OR2D3: variants seen among roughly 807,000 people sequenced by gnomAD.
The protein encoded by OR2D3 is olfactory receptor family 2 subfamily D member 3.
For synonymous variants in OR2D3, 154 were observed against 145.8 expected (o/e 1.06, Z -0.40); for missense variants, 409 against 388.8 (o/e 1.05, Z -0.44).
In OR2D3 at chr11:6,921,558, G is replaced by C; in HGVS notation, c.557G>C (p.Gly186Ala). ...TTTACTTTCCATCTTCCCTACTGGG[G>C]ACAGAATATAATCAATCACTACTTT... Reference protein sequence around the residue: ...TSFTFHLPYWGQNIINHYFCE... With the variant: ...TSFTFHLPYWAQNIINHYFCE... Residue 186 changes from glycine to alanine, a missense_variant, in exon 1 of 1, where the codon GGA (glycine) becomes GCA (alanine). Transcript: ENST00000317834. 6.2e-7 allele frequency: 1 copy of C among 1,614,110 alleles called. No individual in the cohort carries two copies. The highest frequency in any genetic ancestry group is 1.3e-5 in the African/African-American group (1 of 75,024).
chr11:6,921,600 TC>T lies in OR2D3; in HGVS notation c.601del (p.Leu201Ter). The T allele has an allele frequency of 6.2e-7, 1 of 1,611,088 alleles. No individual in the cohort carries two copies. The highest frequency in any genetic ancestry group is 8.5e-7 in the Non-Finnish European group (1 of 1,178,610). Reference sequence around the variant, plus strand: ...CACTACTTTTGTGAACCTCCTGCCCTCCTGAAGCTGGCTTCCATAGACACTT... The same window carrying T: ...CACTACTTTTGTGAACCTCCTGCCCTCTGAAGCTGGCTTCCATAGACACTT... ...INHYFCEPPA[L>X]LKLASIDTYS... is the part of the protein sequence containing the mutation. On this transcript the variant is annotated frameshift_variant, in exon 1 of 1. Coordinates refer to ENST00000317834, the MANE Select transcript of OR2D3 (RefSeq NM_001004684.1). LOFTEE classifies it high-confidence loss of function.
Position 6,921,398 on chromosome 11 carries a change from G to T in OR2D3, c.397G>T (p.Val133Leu). Residue 133 changes from valine (V) to leucine (L), a missense_variant, in exon 1 of 1, where the codon GTG (valine) becomes TTG (leucine). Val to Leu is a conservative substitution (Grantham distance 32). Transcript: ENST00000317834. ...GTGTACAGAGTGTGCGCTGCTGGCA[G>T]TGATGTCCTATGACCGGTATGTGGC... ...VGCTECALLA[V>L]MSYDRYVAVC... 2 of 1,613,792 alleles carry T rather than the reference G, an allele frequency of 1.2e-6. No individual in the cohort carries two copies. Among genetic ancestry groups the T allele is most frequent in the Non-Finnish European group, 1.7e-6 (2 of 1,179,880 alleles).
chr11:6,921,622 C>A lies in OR2D3; in HGVS notation c.621C>A (p.Asp207Glu). The A allele has an allele frequency of 6.2e-7, 1 of 1,602,914 alleles. No homozygotes were observed. The highest frequency in any genetic ancestry group is 8.5e-7 in the Non-Finnish European group (1 of 1,174,956). The change falls in exon 1 of 1, where the codon GAC (aspartate) becomes GAA (glutamate). Residue 207 changes from aspartate (D) to glutamate (E), a missense_variant. Transcript: ENST00000317834. ...CCCTCCTGAAGCTGGCTTCCATAGA[C>A]ACTTACAGCACAGAAATGGCCATCT... is the stretch of plus-strand genomic sequence containing the variant. ...PPALLKLASI[D>E]TYSTEMAIFS...
At position 6,921,542 on chromosome 11, in the gene OR2D3, C is replaced by T; in HGVS notation, c.541C>T (p.His181Tyr). The T allele has an allele frequency of 6.2e-7, 1 of 1,614,180 alleles. No individual in the cohort carries two copies. Among genetic ancestry groups the T allele is most frequent in the South Asian group, 1.1e-5 (1 of 91,074 alleles). The stretch of plus-strand genomic sequence containing the variant: ...TTTAGTAGATACCAGCTTTACTTTC[C>T]ATCTTCCCTACTGGGGACAGAATAT... ...VSLVDTSFTF[H>Y]LPYWGQNIIN... The change falls in exon 1 of 1, where the codon CAT becomes TAT. Residue 181 changes from histidine to tyrosine, a missense_variant. His to Tyr is a moderately conservative substitution (Grantham distance 83). Coordinates refer to ENST00000317834, the MANE Select transcript of OR2D3 (RefSeq NM_001004684.1).
Position 6,921,804 on chromosome 11 carries a change from A to G in OR2D3, c.803A>G (p.Tyr268Cys), listed in dbSNP as rs1478752249. ...CATCTTATTGTTGTTGTCCTCTTCT[A>G]TGGGTCAGGAATATTCACCTACATG... is the stretch of plus-strand genomic sequence containing the variant. ...GSHLIVVVLF[Y>C]GSGIFTYMRP... Residue 268 changes from tyrosine (Y) to cysteine (C), a missense_variant, in exon 1 of 1, where the codon TAT (tyrosine) becomes TGT (cysteine). Tyr to Cys is a radical substitution (Grantham distance 194). Transcript: ENST00000317834. The G allele has an allele frequency of 8.3e-6, 13 of 1,568,100 alleles. No individual in the cohort carries two copies. Among genetic ancestry groups the G allele is most frequent in the Non-Finnish European group, 8.6e-6 (10 of 1,161,334 alleles).
In OR2D3 at chr11:6,921,942, A is replaced by G. The variant is rs1564935248; in HGVS notation, c.941A>G (p.Lys314Arg). 1.9e-6 allele frequency: 3 copies of G among 1,614,178 alleles called. No individual in the cohort carries two copies. In the East Asian group the frequency reaches 6.7e-5, roughly 36 times the overall value. ...IIYSLRNKDV[K>R]GALRKLVGRK... ...TATAGCTTGAGGAACAAAGATGTCA[A>G]AGGGGCTCTCAGGAAACTAGTTGGG... is the stretch of plus-strand genomic sequence containing the variant. Residue 314 changes from lysine (K) to arginine (R), a missense_variant, in exon 1 of 1, where the codon AAA becomes AGA. Lys to Arg is a conservative substitution (Grantham distance 26). Transcript: ENST00000317834.
At position 6,921,333 on chromosome 11, in the gene OR2D3, A is replaced by T. The variant is rs1848946069; in HGVS notation, c.332A>T (p.Tyr111Phe). The T allele has an allele frequency of 1.9e-6, 3 of 1,613,904 alleles. No individual in the cohort carries two copies. The highest frequency in any genetic ancestry group is 1.6e-4 in the Middle Eastern group (1 of 6,062). Residue 111 changes from tyrosine to phenylalanine, a missense_variant, in exon 1 of 1, where the codon TAT becomes TTT. Transcript: ENST00000317834. ...GTAAAGAGGAAAACCATTTCTTTTT[A>T]TGGGTGTATGACACAGATAATTGTC... is the stretch of plus-strand genomic sequence containing the variant. ...FLVKRKTISF[Y>F]GCMTQIIVFL...
rs77720614 is a variant in OR2D3 at position 6,921,492 on chromosome 11, C to T, written c.491C>T (p.Ser164Phe). The change falls in exon 1 of 1, where the codon TCC (serine) becomes TTC (phenylalanine). Residue 164 changes from serine (S) to phenylalanine (F), a missense_variant. Physicochemically the swap from Ser to Phe is radical, Grantham distance 155. Coordinates refer to ENST00000317834, the MANE Select transcript of OR2D3 (RefSeq NM_001004684.1). ...QRVCLWLSFR[S>F]WASGALVSLV... ...GTGTGTCTCTGGCTGTCCTTCAGGTCCTGGGCCAGTGGGGCACTAGTGTCT... is the reference window on the plus strand; with the variant it reads ...GTGTGTCTCTGGCTGTCCTTCAGGTTCTGGGCCAGTGGGGCACTAGTGTCT... The T allele has an allele frequency of 6.5e-3, 10,415 of 1,613,866 alleles. 531 individuals carry two copies. In the African/African-American group the frequency reaches 0.11, roughly 18 times the overall value.
In OR2D3 at chr11:6,921,848, A is replaced by G; in HGVS notation, c.847A>G (p.Thr283Ala). ...CTACATGCGACCAAACTCCAAGACT[A>G]CAAAAGAACTGGATAAAATGATATC... Reference protein sequence around the residue: ...FTYMRPNSKTTKELDKMISVF... With the variant: ...FTYMRPNSKTAKELDKMISVF... The change falls in exon 1 of 1, where the codon ACA (threonine) becomes GCA (alanine). Residue 283 changes from threonine to alanine, a missense_variant. Physicochemically the swap from Thr to Ala is moderately conservative, Grantham distance 58. Coordinates refer to ENST00000317834, the MANE Select transcript of OR2D3 (RefSeq NM_001004684.1). 1 of 1,608,068 alleles carries G rather than the reference A, an allele frequency of 6.2e-7. No homozygotes were observed. The highest frequency in any genetic ancestry group is 8.5e-7 in the Non-Finnish European group (1 of 1,178,108).
Position 6,921,082 on chromosome 11 carries a change from G to T in OR2D3, c.81G>T (p.Lys27Asn). 1 of 1,613,064 alleles carries T rather than the reference G, an allele frequency of 6.2e-7. No homozygotes were observed. The highest frequency in any genetic ancestry group is 8.5e-7 in the Non-Finnish European group (1 of 1,179,772). The part of the protein sequence containing the change: ...MGEENQTFVS[K>N]FIFLGLSQDL... ...AAGAAAACCAAACCTTTGTGTCCAA[G>T]TTTATCTTCCTGGGTCTTTCACAGG... Residue 27 changes from lysine (K) to asparagine (N), a missense_variant, in exon 1 of 1, where the codon AAG becomes AAT. By Grantham distance (94) the Lys-to-Asn change is moderately conservative. Coordinates refer to ENST00000317834, the MANE Select transcript of OR2D3 (RefSeq NM_001004684.1).
Position 6,921,729 on chromosome 11 carries a change from A to C in OR2D3, c.728A>C (p.Gln243Pro), listed in dbSNP as rs766531197. Reference protein sequence around the residue: ...SYWNIISTVIQMQSGEGRLKA... With the variant: ...SYWNIISTVIPMQSGEGRLKA... Reference sequence around the variant, plus strand: ...TGGAATATTATCTCCACTGTTATCCAGATGCAGTCTGGGGAAGGGAGACTC... The same window carrying C: ...TGGAATATTATCTCCACTGTTATCCCGATGCAGTCTGGGGAAGGGAGACTC... The change falls in exon 1 of 1, where the codon CAG becomes CCG. Residue 243 changes from glutamine to proline, a missense_variant. Transcript: ENST00000317834. 6.5e-7 allele frequency: 1 copy of C among 1,537,320 alleles called. No individual in the cohort carries two copies. The highest frequency in any genetic ancestry group is 2.3e-5 in the East Asian group (1 of 44,376).
chr11:6,921,795 T>C lies in OR2D3; in HGVS notation c.794T>C (p.Val265Ala), dbSNP rs758068601. 40 of 1,555,782 alleles carry C rather than the reference T, an allele frequency of 2.6e-5. No individual in the cohort carries two copies. Among genetic ancestry groups the C allele is most frequent in the Non-Finnish European group, 3.4e-5 (39 of 1,155,628 alleles). Residue 265 changes from valine (V) to alanine (A), a missense_variant, in exon 1 of 1, where the codon GTC (valine) becomes GCC (alanine). Val to Ala is a moderately conservative substitution (Grantham distance 64). Coordinates refer to ENST00000317834, the MANE Select transcript of OR2D3 (RefSeq NM_001004684.1). ...STCGSHLIVV[V>A]LFYGSGIFTY... ...TGTGGCTCCCATCTTATTGTTGTTG[T>C]CCTCTTCTATGGGTCAGGAATATTC...
In OR2D3 at chr11:6,921,149, A is replaced by G. The variant is rs1352905373; in HGVS notation, c.148A>G (p.Ile50Val). The change falls in exon 1 of 1, where the codon ATT becomes GTT. Residue 50 changes from isoleucine (I) to valine (V), a missense_variant. Transcript: ENST00000317834. ...CCTGCTATTTATCCTTTTCCTCATC[A>G]TTTATCTGCTGACCGTGCTTGGAAA... is the stretch of plus-strand genomic sequence containing the variant. ...QILLFILFLI[I>V]YLLTVLGNQL... The G allele has an allele frequency of 1.2e-6, 2 of 1,613,908 alleles. No homozygotes were observed. Among genetic ancestry groups the G allele is most frequent in the East Asian group, 2.2e-5 (1 of 44,882 alleles).
At position 6,921,193 on chromosome 11, in the gene OR2D3, C is replaced by T. The variant is rs538535454; in HGVS notation, c.192C>T (p.Leu64=). 7 of 1,614,090 alleles carry T rather than the reference C, an allele frequency of 4.3e-6. No homozygotes were observed. In the South Asian group the frequency reaches 7.7e-5, roughly 18 times the overall value. The change falls in exon 1 of 1, where the codon CTC becomes CTT. Residue 64 remains leucine, a synonymous_variant. Coordinates refer to ENST00000317834, the MANE Select transcript of OR2D3 (RefSeq NM_001004684.1). ...TVLGNQLIII[L]IFLDSRLHTP... ...TTGGAAACCAGCTCATCATCATTCT[C>T]ATCTTCCTGGATTCTCGCCTTCACA...
Position 6,921,673 on chromosome 11 carries a change from G to T in OR2D3, c.672G>T (p.Leu224=). 6.4e-7 allele frequency: 1 copy of T among 1,562,900 alleles called. No homozygotes were observed. The highest frequency in any genetic ancestry group is 8.6e-7 in the Non-Finnish European group (1 of 1,157,548). Residue 224 remains leucine (L), a synonymous_variant, in exon 1 of 1, where the codon CTG becomes CTT. Coordinates refer to ENST00000317834, the MANE Select transcript of OR2D3 (RefSeq NM_001004684.1). Reference sequence around the variant, plus strand: ...TTTCAATGGGCGTGGTAATCCTCCTGGCCCCTGTCTCCCTGATTCTTGGTT... The same window carrying T: ...TTTCAATGGGCGTGGTAATCCTCCTTGCCCCTGTCTCCCTGATTCTTGGTT... ...AIFSMGVVIL[L]APVSLILGSY... is the part of the protein sequence containing the mutation.
chr11:6,921,327 C>G lies in OR2D3; in HGVS notation c.326C>G (p.Ser109Cys), dbSNP rs1337284928. 1 of 1,614,040 alleles carries G rather than the reference C, an allele frequency of 6.2e-7. No individual in the cohort carries two copies. Among genetic ancestry groups the G allele is most frequent in the East Asian group, 2.2e-5 (1 of 44,882 alleles). The change falls in exon 1 of 1, where the codon TCT (serine) becomes TGT (cysteine). Residue 109 changes from serine to cysteine, a missense_variant. Transcript: ENST00000317834. ...TTCTTGGTAAAGAGGAAAACCATTTCTTTTTATGGGTGTATGACACAGATA... is the reference window on the plus strand; with the variant it reads ...TTCTTGGTAAAGAGGAAAACCATTTGTTTTTATGGGTGTATGACACAGATA... ...VHFLVKRKTI[S>C]FYGCMTQIIV...
Position 6,921,793 on chromosome 11 carries a change from TGTC to T in OR2D3, c.793_795del (p.Val265del). 1.3e-6 allele frequency: 2 copies of T among 1,553,742 alleles called. No homozygotes were observed. The highest frequency in any genetic ancestry group is 1.7e-6 in the Non-Finnish European group (2 of 1,154,530). On this transcript the variant is annotated inframe_deletion, in exon 1 of 1. Coordinates refer to ENST00000317834, the MANE Select transcript of OR2D3 (RefSeq NM_001004684.1). ...CCTGTGGCTCCCATCTTATTGTTGT[TGTC>T]CTCTTCTATGGGTCAGGAATATTCA...
Position 6,921,032 on chromosome 11 carries a change from A to G in OR2D3, c.31A>G (p.Lys11Glu), listed in dbSNP as rs200833854. Residue 11 changes from lysine to glutamate, a missense_variant, in exon 1 of 1, where the codon AAA (lysine) becomes GAA (glutamate). Coordinates refer to ENST00000317834, the MANE Select transcript of OR2D3 (RefSeq NM_001004684.1). MCSFFLCQTG[K>E]QAKISMGEEN... ...TTCTTTTTTCTTGTGCCAAACAGGTAAACAGGCAAAAATATCAATGGGAGA... is the reference window on the plus strand; with the variant it reads ...TTCTTTTTTCTTGTGCCAAACAGGTGAACAGGCAAAAATATCAATGGGAGA... 1.1e-5 allele frequency: 17 copies of G among 1,594,994 alleles called. No homozygotes were observed. The East Asian group carries it at 2.0e-4, about 19-fold the overall frequency.
rs766712139 is a variant in OR2D3 at position 6,921,127 on chromosome 11, G to C, written c.126G>C (p.Leu42=). 6.2e-7 allele frequency: 1 copy of C among 1,614,116 alleles called. No individual in the cohort carries two copies. The highest frequency in any genetic ancestry group is 8.5e-7 in the Non-Finnish European group (1 of 1,180,030). The change falls in exon 1 of 1, where the codon CTG becomes CTC. Residue 42 remains leucine (L), a synonymous_variant. Coordinates refer to ENST00000317834, the MANE Select transcript of OR2D3 (RefSeq NM_001004684.1). ...GLSQDLQTQI[L]LFILFLIIYL... ...CACAGGACTTGCAGACCCAGATCCT[G>C]CTATTTATCCTTTTCCTCATCATTT... is the stretch of plus-strand genomic sequence containing the variant.
Sources: allele counts gnomAD v4.1 joint callset, GRCh38; gene constraint gnomAD v4.1.1; transcripts MANE v1.5; gene names NCBI Gene and HGNC (gene_info 2026-07-23, HGNC 2026-07-21).